Variants in RAD54L observed in about 807,000 individuals in gnomAD.
RAD54L encodes RAD54 like.
A neutral mutation model predicts 91.6 loss-of-function variants in RAD54L; 74 were observed. The ratio of observed to expected loss-of-function variants is 0.81; its 90% CI spans 0.67 to 0.98. RAD54L has a LOEUF of 0.98. Ranked by LOEUF, RAD54L falls within the 50% of genes least tolerant of loss-of-function variation. The probability of loss-of-function intolerance (pLI) is 0.00; values close to 1 mark genes in which losing one functional copy is unlikely to be tolerated. For synonymous variants in RAD54L, 304 were observed against 349.7 expected (o/e 0.87, Z 1.46); for missense variants, 887 against 945.7 (o/e 0.94, Z 0.81).
chr1:46,267,075 T>A (rs539924763), intron 8 of RAD54L, among the ~76,000 whole-genome samples: 2 of 152,302 alleles, frequency 1.3e-5, no homozygotes, highest in South Asian at 4.1e-4. Context: ...AGTGGTGGCA[T>A]ATGCCTGTAG....
Position 46,260,749 on chromosome 1 carries a change from G to A in RAD54L, c.500G>A (p.Cys167Tyr). 1 of 1,614,204 alleles carries A rather than the reference G, an allele frequency of 6.2e-7. No homozygotes were observed. ...QREGVKFLWE[C>Y]VTSRRIPGSH... is the part of the protein sequence containing the mutation. The stretch of plus-strand genomic sequence containing the variant: ...TAGGGAGTGAAATTCCTGTGGGAGT[G>A]TGTCACCAGTCGGCGCATCCCTGGC... Residue 167 changes from cysteine (C) to tyrosine (Y), a missense_variant, in exon 7 of 18, where the codon TGT (cysteine) becomes TAT (tyrosine). Transcript: ENST00000371975.
chr1:46,249,758 C>T (rs534676403), intron 2 of RAD54L, among the ~76,000 whole-genome samples: 56 of 152,278 alleles, frequency 3.7e-4, no homozygotes, highest in African/African-American at 1.3e-3. Context: ...ATTTTATTTA[C>T]CTCTTCCATT....
At chr1:46,259,834 G>T in intron 4 of RAD54L, 130 bp from the exon 5 acceptor site, 2 of 1,210,574 alleles carry the variant, frequency 1.7e-6, no homozygotes, top group Non-Finnish European at 2.4e-6. Flanking sequence ...AACTGAGTTT[G>T]GAGGCATTCT....
intron 10 of RAD54L, among the ~76,000 whole-genome samples, chr1:46,271,000 G>A (rs1660410368): frequency 6.6e-6 from 1 of 152,196 alleles, no homozygotes; most frequent in South Asian, 2.1e-4. Flanking sequence ...GTTTTGGTCT[G>A]TTTATCAGCC....
chr1:46,253,377 G>A (rs1047748125), intron 3 of RAD54L, among the ~76,000 whole-genome samples: 1 of 152,216 alleles, frequency 6.6e-6, no homozygotes, highest in African/African-American at 2.4e-5. Context: ...ACTTTGGGAG[G>A]CCTAGGCGGG....
At chr1:46,250,674 C>T (rs559011538) in intron 3 of RAD54L, among the ~76,000 whole-genome samples, 8 of 152,238 alleles carry the variant, frequency 5.3e-5, no homozygotes, top group African/African-American at 1.9e-4. Context: ...ATTCAGCAAA[C>T]ATTTAAAAAC....
Position 46,270,801 on chromosome 1 carries a change from G to T in RAD54L, c.1169+16G>T. 3 of 1,610,876 alleles carry T rather than the reference G, an allele frequency of 1.9e-6. No individual in the cohort carries two copies. The South Asian group carries it at 3.4e-5, about 18-fold the overall frequency. ...TTGTGAATAGGTAATGACCTTAAGC[G>T]AAGTCATTAGAATTGCCTCCCAAAC... On this transcript the variant is annotated intron_variant, in intron 10 of 17. Coordinates refer to ENST00000371975, the MANE Select transcript of RAD54L (RefSeq NM_003579.4).
chr1:46,259,606 C>T (rs1251136789), intron 4 of RAD54L, among the ~76,000 whole-genome samples: 1 of 151,920 alleles, frequency 6.6e-6, no homozygotes, highest in Non-Finnish European at 1.5e-5. Flanking sequence ...AACCCTGTCT[C>T]TACTAAAAAA....
intron 10 of RAD54L, among the ~76,000 whole-genome samples, chr1:46,271,006 C>T (rs1401432282): frequency 6.6e-6 from 1 of 152,204 alleles, no homozygotes; most frequent in Non-Finnish European, 1.5e-5. Context: ...GTCTGTTTAT[C>T]AGCCTGCTGA....
chr1:46,268,395 G>A (rs1257520793), intron 9 of RAD54L, among the ~76,000 whole-genome samples: 1 of 152,120 alleles, frequency 6.6e-6, no homozygotes, highest in Non-Finnish European at 1.5e-5. Context: ...TTTGTGAAAG[G>A]GTGTGTTAGT....
intron 2 of RAD54L, 62 bp from the exon 3 acceptor site, chr1:46,249,938 G>A (rs760848009): frequency 9.5e-6 from 15 of 1,579,474 alleles, no homozygotes; most frequent in Non-Finnish European, 1.3e-5. Context: ...TCAAGTGTTA[G>A]TTGCCATTAT....
rs1660301576 is a variant in RAD54L, at chr1:46,267,539, CG to C, written c.974del (p.Gly325GlufsTer23). On this transcript the variant is annotated frameshift_variant, in exon 9 of 18. Transcript: ENST00000371975. LOFTEE classifies it high-confidence loss of function. ...LNTSRRVLIS[G>X]TPIQNDLLEY... ...ACACCAGCCGGCGGGTGCTCATCTC[CG>C]GAACTCCCATCCAGAATGATCTGCT... The C allele has an allele frequency of 6.2e-7, 1 of 1,613,640 alleles. No homozygotes were observed. The highest frequency in any genetic ancestry group is 1.3e-5 in the African/African-American group (1 of 74,878).
In RAD54L at chr1:46,260,005, G is replaced by A. The variant is rs2148286969; in HGVS notation, c.313G>A (p.Val105Ile). ...SRALGLKRAG[V>I]RRALHDPLEK... ...AGCATTGGGCCTGAAAAGGGCTGGGGTCCGCCGGGCCCTCCATGACCCCCT... is the reference window on the plus strand; with the variant it reads ...AGCATTGGGCCTGAAAAGGGCTGGGATCCGCCGGGCCCTCCATGACCCCCT... Residue 105 changes from valine (V) to isoleucine (I), a missense_variant, in exon 5 of 18, where the codon GTC (valine) becomes ATC (isoleucine). Physicochemically the swap from Val to Ile is conservative, Grantham distance 29. Transcript: ENST00000371975. 2 of 1,614,134 alleles carry A rather than the reference G, an allele frequency of 1.2e-6. No individual in the cohort carries two copies. The highest frequency in any genetic ancestry group is 1.7e-6 in the Non-Finnish European group (2 of 1,180,016).
At chr1:46,260,667 C>T in intron 6 of RAD54L, 56 bp downstream of exon 6, 2 of 1,613,540 alleles carry the variant, frequency 1.2e-6, no homozygotes, top group Non-Finnish European at 8.5e-7. Context: ...TGGGAGACTA[C>T]CATCCCTGGG....
At position 46,250,072 on chromosome 1, in the gene RAD54L, T is replaced by G; in HGVS notation, c.163T>G (p.Leu55Val). The G allele has an allele frequency of 6.2e-7, 1 of 1,614,178 alleles. No individual in the cohort carries two copies. Among genetic ancestry groups the G allele is most frequent in the Non-Finnish European group, 8.5e-7 (1 of 1,180,030 alleles). Residue 55 changes from leucine to valine, a missense_variant, in exon 3 of 18, where the codon TTG becomes GTG. Transcript: ENST00000371975. ...ECFLSPFRKP[L>V]SQLTNQPPCL... Reference sequence around the variant, plus strand: ...TTTCCTGTCTCCTTTTCGGAAACCTTTGAGTCAGCTAACCAATCAACCACC... The same window carrying G: ...TTTCCTGTCTCCTTTTCGGAAACCTGTGAGTCAGCTAACCAATCAACCACC...
At chr1:46,262,101 G>C (rs1187846692) in intron 8 of RAD54L, among the ~76,000 whole-genome samples, 2 of 151,468 alleles carry the variant, frequency 1.3e-5, no homozygotes, top group Non-Finnish European at 2.9e-5. Context: ...TGGGTGATGG[G>C]GTGTGAAACC....
intron 9 of RAD54L, among the ~76,000 whole-genome samples, chr1:46,269,434 A>C (rs1328907111): frequency 1.3e-5 from 2 of 151,326 alleles, no homozygotes; most frequent in Admixed American, 6.6e-5. Flanking sequence ...CAGCCTCCTG[A>C]GTAGCTGGGA....
Position 46,260,558 on chromosome 1 carries a change from C to A in RAD54L, c.424C>A (p.His142Asn). 1 of 1,614,032 alleles carries A rather than the reference C, an allele frequency of 6.2e-7. No homozygotes were observed. Among genetic ancestry groups the A allele is most frequent in the South Asian group, 1.1e-5 (1 of 91,058 alleles). The change falls in exon 6 of 18, where the codon CAT becomes AAT. Residue 142 changes from histidine (H) to asparagine (N), a missense_variant. Physicochemically the swap from His to Asn is moderately conservative, Grantham distance 68 (BLOSUM62 1). Coordinates refer to ENST00000371975, the MANE Select transcript of RAD54L (RefSeq NM_003579.4). ...TTTTCTCAGGGAGAAACTCCCTGTC[C>A]ATGTGGTTGTTGACCCTATTCTCAG... is the stretch of plus-strand genomic sequence containing the variant. ...LKLDKEKLPV[H>N]VVVDPILSKV... is the part of the protein sequence containing the mutation.
intron 16 of RAD54L, among the ~76,000 whole-genome samples, chr1:46,275,618 C>A (rs1171754265): frequency 2.0e-5 from 3 of 152,184 alleles, no homozygotes. Flanking sequence ...AATTCATGTT[C>A]TCTTTTTGAG....
Sources: allele counts gnomAD v4.1 joint callset (sites outside exome capture counted in the v4.1 genomes callset), GRCh38; gene constraint gnomAD v4.1.1; transcripts MANE v1.5; gene names NCBI Gene and HGNC (gene_info 2026-07-23, HGNC 2026-07-21).